DOCK1: variants seen among roughly 807,000 people sequenced by gnomAD.
DOCK1 encodes dedicator of cytokinesis 1, also known as dedicator of cytokinesis protein 1.
Under a neutral mutation model 262.7 loss-of-function variants are expected in DOCK1, and 138 were observed. The observed-to-expected ratio is 0.53, with a 90% CI of 0.46 to 0.61. The LOEUF is 0.61. DOCK1 is among the 20% of genes least tolerant of loss of function. DOCK1 has a pLI of 0.00. For missense variants in DOCK1, 1,908 were observed against 2,370.7 expected (o/e 0.80, Z 4.05); for synonymous variants, 866 against 867.4 (o/e 1.00, Z 0.03).
At chr10:127,197,799 A>G (rs2057278264) in intron 27 of DOCK1, among the ~76,000 whole-genome samples, 1 of 152,184 alleles carries the variant, frequency 6.6e-6, no homozygotes, top group South Asian at 2.1e-4. Context: ...TGAGCCTATC[A>G]CTGCCTTATA....
chr10:127,361,391 G>A (rs1373025357), intron 32 of DOCK1, among the ~76,000 whole-genome samples: 3 of 152,146 alleles, frequency 2.0e-5, no homozygotes, highest in African/African-American at 4.8e-5. Flanking sequence ...TGGGATTACA[G>A]GCGTGAGCCA....
At chr10:127,268,546 A>T (rs928112355) in intron 29 of DOCK1, among the ~76,000 whole-genome samples, 1 of 151,222 alleles carries the variant, frequency 6.6e-6, no homozygotes, top group South Asian at 2.1e-4. Context: ...AGAAAGAAAT[A>T]TATGTGATTT....
At chr10:127,088,430 G>A (rs1028961262) in intron 23 of DOCK1, among the ~76,000 whole-genome samples, 3 of 152,148 alleles carry the variant, frequency 2.0e-5, no homozygotes, top group Non-Finnish European at 4.4e-5. Context: ...TAGTGGTTAT[G>A]TGCATGGTAG....
rs529761021 is a variant in DOCK1 at position 127,125,598 on chromosome 10, C to T, written c.2748C>T (p.Asp916=). 6 of 1,613,496 alleles carry T rather than the reference C, an allele frequency of 3.7e-6. No homozygotes were observed. The African/African-American group carries it at 4.0e-5, about 11-fold the overall frequency. Residue 916 remains aspartate, a synonymous_variant, in exon 26 of 52, where the codon GAC becomes GAT. Coordinates refer to ENST00000623213, the MANE Select transcript of DOCK1 (RefSeq NM_001290223.2). ...SHILEVLYRK[D]VGPTQRHVQI... Reference sequence around the variant, plus strand: ...TCCTGGAGGTGCTGTACAGGAAGGACGTGGTGAGTGTTGGCTCTGTGCGTG... The same window carrying T: ...TCCTGGAGGTGCTGTACAGGAAGGATGTGGTGAGTGTTGGCTCTGTGCGTG...
At position 127,125,606 on chromosome 10, in the gene DOCK1, G is replaced by A; in HGVS notation, c.2751+5G>A. The A allele has an allele frequency of 2.5e-6, 4 of 1,611,846 alleles. No individual in the cohort carries two copies. The highest frequency in any genetic ancestry group is 3.4e-6 in the Non-Finnish European group (4 of 1,179,084). ...GTGCTGTACAGGAAGGACGTGGTGAGTGTTGGCTCTGTGCGTGACGTCCTG... is the reference window on the plus strand; with the variant it reads ...GTGCTGTACAGGAAGGACGTGGTGAATGTTGGCTCTGTGCGTGACGTCCTG... On this transcript the variant is annotated splice_donor_5th_base_variant and intron_variant, in intron 26 of 51. Coordinates refer to ENST00000623213, the MANE Select transcript of DOCK1 (RefSeq NM_001290223.2).
At chr10:127,277,497 C>T (rs2060783907) in intron 29 of DOCK1, among the ~76,000 whole-genome samples, 1 of 152,134 alleles carries the variant, frequency 6.6e-6, no homozygotes, top group African/African-American at 2.4e-5. Context: ...GTGGCTCACA[C>T]TTGTAATCCC....
At chr10:126,928,699 A>G (rs1316623220) in intron 1 of DOCK1, among the ~76,000 whole-genome samples, 1 of 152,244 alleles carries the variant, frequency 6.6e-6, no homozygotes, top group Non-Finnish European at 1.5e-5. Flanking sequence ...GGAGGGACGC[A>G]TGAGAACTCA....
intron 29 of DOCK1, among the ~76,000 whole-genome samples, chr10:127,304,386 A>G (rs1206001155): frequency 6.6e-6 from 1 of 152,130 alleles, no homozygotes; most frequent in Non-Finnish European, 1.5e-5. Flanking sequence ...TCTAATATAT[A>G]TTTGTATTTT....
chr10:127,112,044 C>T (rs1215342690), intron 25 of DOCK1, among the ~76,000 whole-genome samples: 3 of 150,360 alleles, frequency 2.0e-5, no homozygotes, highest in African/African-American at 4.9e-5. Context: ...CATAGTCCTG[C>T]GCTGTTGCCG....
intron 27 of DOCK1, 114 bp from the exon 28 acceptor site, chr10:127,247,894 C>A: frequency 1.0e-6 from 1 of 956,288 alleles, no homozygotes; most frequent in Non-Finnish European, 1.6e-6. Context: ...GCTCCCTGCC[C>A]ATGCCCCGTT....
chr10:126,968,701 T>C (rs977649462), intron 1 of DOCK1, among the ~76,000 whole-genome samples: 1 of 152,194 alleles, frequency 6.6e-6, no homozygotes, highest in Non-Finnish European at 1.5e-5. Context: ...CTGGCAGGGA[T>C]GCTGTTAGGA....
chr10:127,390,714 G>T (rs1215470787), intron 38 of DOCK1, among the ~76,000 whole-genome samples: 1 of 152,114 alleles, frequency 6.6e-6, no homozygotes, highest in Non-Finnish European at 1.5e-5. Context: ...GACGCCCCCA[G>T]CACCTACTCA....
chr10:126,948,483 G>T (rs1247541821), intron 1 of DOCK1, among the ~76,000 whole-genome samples: 2 of 151,840 alleles, frequency 1.3e-5, no homozygotes, highest in African/African-American at 4.8e-5. Context: ...TTGCTGGTGA[G>T]GGTGATGAAG....
chr10:126,983,480 G>A (rs1332728866), intron 4 of DOCK1, among the ~76,000 whole-genome samples: 1 of 152,144 alleles, frequency 6.6e-6, no homozygotes, highest in African/African-American at 2.4e-5. Context: ...TGCAGAGTCT[G>A]TCTCTTTCAG....
chr10:127,207,644 G>A (rs2057784490), intron 27 of DOCK1, among the ~76,000 whole-genome samples: 1 of 152,194 alleles, frequency 6.6e-6, no homozygotes, highest in Non-Finnish European at 1.5e-5. Context: ...CATAGCAGGT[G>A]TTAAAAGTTT....
intron 21 of DOCK1, among the ~76,000 whole-genome samples, chr10:127,048,409 A>G (rs1275048062): frequency 3.3e-5 from 5 of 151,978 alleles, no homozygotes; most frequent in Non-Finnish European, 7.4e-5. Flanking sequence ...ACATAAATAT[A>G]TGTATTTTTT....
intron 33 of DOCK1, among the ~76,000 whole-genome samples, chr10:127,365,647 T>C (rs1402209499): frequency 6.6e-6 from 1 of 152,214 alleles, no homozygotes; most frequent in African/African-American, 2.4e-5. Flanking sequence ...TAATCAGTCT[T>C]TGGGTCAAAA....
At chr10:127,134,459 C>T (rs1564827445) in intron 27 of DOCK1, among the ~76,000 whole-genome samples, 1 of 152,072 alleles carries the variant, frequency 6.6e-6, no homozygotes, top group Non-Finnish European at 1.5e-5. Context: ...TACTTTGAGC[C>T]CCTCCCCATT....
Position 127,176,563 on chromosome 10 carries a change from C to T in DOCK1, c.2847+48799C>T, listed in dbSNP as rs1033978104. Among the ~76,000 whole-genome samples, 6 of 152,170 alleles carry T rather than the reference C, an allele frequency of 3.9e-5. No homozygotes were observed. The highest frequency in any genetic ancestry group is 2.6e-4 in the Admixed American group (4 of 15,272). On this transcript the variant is annotated intron_variant, in intron 27 of 51. Transcript: ENST00000623213. This position sits in a 1 kb window ranked among gnomAD's most constrained non-coding sequence, Gnocchi z 4.4. The stretch of plus-strand genomic sequence containing the variant: ...AAGGAAAATCACACGGGCTGAGAGT[C>T]GCTGGCAGCACAGCTTGAAATGCTT...
Sources: allele counts gnomAD v4.1 joint callset (sites outside exome capture counted in the v4.1 genomes callset), GRCh38; gene constraint gnomAD v4.1.1; non-coding constraint Gnocchi (gnomAD v3.1); transcripts MANE v1.5; gene names NCBI Gene and HGNC (gene_info 2026-07-23, HGNC 2026-07-21).